The following DNAH6 variants were observed in gnomAD, a reference collection of about 807,000 sequenced individuals.
DNAH6 encodes the protein dynein axonemal heavy chain 6.
Under a neutral mutation model 491.4 loss-of-function variants are expected in DNAH6, and 340 were observed. The ratio of observed to expected loss-of-function variants is 0.69; its 90% CI spans 0.63 to 0.76. DNAH6 has a LOEUF of 0.76. Ranked by LOEUF, DNAH6 falls within the 30% of genes least tolerant of loss-of-function variation. DNAH6 has a pLI of 0.00. For missense variants in DNAH6, 4,443 were observed against 4,972.2 expected, an observed-to-expected ratio of 0.89 and a Z score of 3.20; for synonymous variants, 1,603 against 1,686.1, an observed-to-expected ratio of 0.95 and a Z score of 1.21.
At chr2:84,554,629 T>C (rs528904900) in intron 10 of DNAH6, among the ~76,000 whole-genome samples, 6 of 152,364 alleles carry the variant, frequency 3.9e-5, no homozygotes, top group Admixed American at 6.5e-5. Flanking sequence ...AGTTCTAGCA[T>C]TGATTCCTCC....
At chr2:84,753,292 T>C (rs1673645250) in intron 63 of DNAH6, among the ~76,000 whole-genome samples, 1 of 152,206 alleles carries the variant, frequency 6.6e-6, no homozygotes, top group African/African-American at 2.4e-5. Flanking sequence ...TTATCAGATA[T>C]ATGATTTGCA....
the DNAH6 span, among the ~76,000 whole-genome samples, chr2:84,493,998 T>G: frequency 2.0e-5 from 3 of 152,136 alleles, no homozygotes; most frequent in African/African-American, 7.2e-5. Context: ...GTGGTTGTCA[T>G]TAGTTTGAGT....
intron 45 of DNAH6, among the ~76,000 whole-genome samples, chr2:84,693,415 G>T (rs1425171548): frequency 1.3e-5 from 2 of 151,892 alleles, no homozygotes; most frequent in African/African-American, 2.4e-5. Flanking sequence ...CTTTTTGAGT[G>T]CTCTCTCTCT....
At position 84,785,617 on chromosome 2, in the gene DNAH6, A is replaced by G. The variant is rs760288335; in HGVS notation, c.10961A>G (p.Asn3654Ser). ...TATTCTATCTAAATCCAGGTGACCA[A>G]TGAGCCTCCAAAAGGCTTACGTGCA... Reference protein sequence around the residue: ...TVLQNSVKVTNEPPKGLRANI... With the variant: ...TVLQNSVKVTSEPPKGLRANI... The change falls in exon 67 of 77, where the codon AAT (asparagine) becomes AGT (serine). Residue 3654 changes from asparagine (N) to serine (S), a missense_variant. Physicochemically the swap from Asn to Ser is conservative, Grantham distance 46 (BLOSUM62 1). Around this residue, in one of 3 missense-constraint regions of DNAH6, gnomAD observed 1,463 missense variants for 1,656.6 expected, o/e 0.88. Coordinates refer to ENST00000389394, the MANE Select transcript of DNAH6 (RefSeq NM_001370.2). 29 of 1,533,154 alleles carry G rather than the reference A, an allele frequency of 1.9e-5. No homozygotes were observed. Among genetic ancestry groups the G allele is most frequent in the Non-Finnish European group, 2.4e-5 (27 of 1,141,810 alleles). The allele number at this position is 1,533,154 out of a possible 1,614,324, so 95.0% of individuals were successfully genotyped here.
chr2:84,603,981 C>T lies in DNAH6; in HGVS notation c.2869-358C>T, dbSNP rs534758366. On this transcript the variant is annotated intron_variant, in intron 18 of 76. Coordinates refer to ENST00000389394, the MANE Select transcript of DNAH6 (RefSeq NM_001370.2). ...GAGGTTTTCCATTCTCATTCTACCCCGCACTTAATATTTAGCGCTCTATTT... is the reference window on the plus strand; with the variant it reads ...GAGGTTTTCCATTCTCATTCTACCCTGCACTTAATATTTAGCGCTCTATTT... 5.9e-5 allele frequency among the ~76,000 whole-genome samples: 9 copies of T among 152,264 alleles called. No individual in the cohort carries two copies. The East Asian group carries it at 1.3e-3, about 23-fold the overall frequency.
At chr2:84,808,010 C>T (rs1679591796) in intron 71 of DNAH6, among the ~76,000 whole-genome samples, 1 of 152,136 alleles carries the variant, frequency 6.6e-6, no homozygotes, top group South Asian at 2.1e-4. Context: ...TCTCCTGTCC[C>T]AGGGCCATAG....
intron 30 of DNAH6, 49 bp downstream of exon 30, chr2:84,634,690 C>T: frequency 1.4e-6 from 2 of 1,437,220 alleles, no homozygotes; most frequent in Non-Finnish European, 1.8e-6. Flanking sequence ...TTAAATTTGT[C>T]ATTAACTCAC....
chr2:84,617,013 T>TTA (rs910346267), intron 23 of DNAH6, 31 bp downstream of exon 23: 20 of 1,239,610 alleles, frequency 1.6e-5, no homozygotes, highest in Non-Finnish European at 2.1e-5. Context: ...AAGATATTTT[T>TTA]TAGTAGTTAT....
chr2:84,497,537 T>C, the DNAH6 span, among the ~76,000 whole-genome samples: 1 of 152,188 alleles, frequency 6.6e-6, no homozygotes. Flanking sequence ...CTGTGTAGCC[T>C]TGGAAGAGTA....
Position 84,544,275 on chromosome 2 carries a change from T to C in DNAH6, c.705T>C (p.Thr235=). The C allele has an allele frequency of 6.6e-7, 1 of 1,513,642 alleles. No individual in the cohort carries two copies. Among genetic ancestry groups the C allele is most frequent in the Non-Finnish European group, 9.0e-7 (1 of 1,112,994 alleles). 93.8% of individuals were successfully genotyped at this position (1,513,642 alleles called of 1,614,324 possible). Residue 235 remains threonine, a synonymous_variant, in exon 5 of 77, where the codon ACT becomes ACC. Transcript: ENST00000389394. ...ACATCAATAAAAATGACTACTATAC[T>C]ATTAGCCAAAGGGCAGTAACACACA... is the stretch of plus-strand genomic sequence containing the variant. ...YENINKNDYY[T]ISQRAVTHIY... is the part of the protein sequence containing the mutation.
chr2:84,722,885 GC>G, intron 60 of DNAH6, 81 bp downstream of exon 60: 2 of 869,172 alleles, frequency 2.3e-6, no homozygotes, highest in East Asian at 3.0e-5. Context: ...CTTCACATAA[GC>G]CATAAGTCTA....
intron 62 of DNAH6, among the ~76,000 whole-genome samples, chr2:84,741,599 A>G (rs1672532213): frequency 6.6e-6 from 1 of 152,028 alleles, no homozygotes; most frequent in African/African-American, 2.4e-5. Flanking sequence ...AGTGTGGTCA[A>G]CTCATATCTC....
intron 43 of DNAH6, among the ~76,000 whole-genome samples, 198 bp downstream of exon 43, chr2:84,685,670 G>A (rs926414071): frequency 6.6e-6 from 1 of 152,016 alleles, no homozygotes; most frequent in Non-Finnish European, 1.5e-5. Flanking sequence ...GGAAGGGTCA[G>A]TCGGGCATGG....
intron 33 of DNAH6, among the ~76,000 whole-genome samples, chr2:84,646,649 G>A (rs1215859062): frequency 6.6e-6 from 1 of 152,148 alleles, no homozygotes. Flanking sequence ...GATTAAACCA[G>A]CCACAACATT....
Position 84,624,377 on chromosome 2 carries a change from T to A in DNAH6, c.4184T>A (p.Leu1395His). 6.4e-7 allele frequency: 1 copy of A among 1,550,680 alleles called. No individual in the cohort carries two copies. The highest frequency in any genetic ancestry group is 8.7e-7 in the Non-Finnish European group (1 of 1,146,640). Residue 1395 changes from leucine to histidine, a missense_variant, in exon 27 of 77, where the codon CTT becomes CAT. Physicochemically the swap from Leu to His is moderately conservative, Grantham distance 99 (BLOSUM62 -3). Coordinates refer to ENST00000389394, the MANE Select transcript of DNAH6 (RefSeq NM_001370.2). ...DVHARDIVTE[L>H]VQSKVETVES... ...CATGCAAGAGATATAGTCACTGAAC[T>A]TGTTCAATCCAAGGTAACTGTTTCA...
intron 23 of DNAH6, 89 bp from the exon 24 acceptor site, chr2:84,619,596 A>G: frequency 8.5e-7 from 1 of 1,181,140 alleles, no homozygotes; most frequent in Non-Finnish European, 1.2e-6. Context: ...TGGACAGGGA[A>G]GAGATGTGGC....
At chr2:84,603,821 G>A (rs1685498422) in intron 18 of DNAH6, among the ~76,000 whole-genome samples, 1 of 152,134 alleles carries the variant, frequency 6.6e-6, no homozygotes, top group African/African-American at 2.4e-5. Context: ...GTTCCACAAG[G>A]GAGCTAAGGC....
rs2104909822 is a variant in DNAH6 at position 84,718,290 on chromosome 2, A to C, written c.9698A>C (p.Lys3233Thr). 6.4e-7 allele frequency: 1 copy of C among 1,551,564 alleles called. No homozygotes were observed. Among genetic ancestry groups the C allele is most frequent in the East Asian group, 2.4e-5 (1 of 40,898 alleles). ...ATCAACACTGATAAAAACCAGTTGA[A>C]AACTATCGAAGAGAAAATCCTGAGA... Reference protein sequence around the residue: ...VRINTDKNQLKTIEEKILRML... With the variant: ...VRINTDKNQLTTIEEKILRML... Residue 3233 changes from lysine (K) to threonine (T), a missense_variant, in exon 59 of 77, where the codon AAA (lysine) becomes ACA (threonine). Transcript: ENST00000389394.
In DNAH6 at chr2:84,745,794, A is replaced by T. The variant is rs541906069; in HGVS notation, c.10512+545A>T. Reference sequence around the variant, plus strand: ...TTTCCCTGGTGTGTGCCATTAGAGTACCGTGCTCTCTGCTGGAGGGATGGA... The same window carrying T: ...TTTCCCTGGTGTGTGCCATTAGAGTTCCGTGCTCTCTGCTGGAGGGATGGA... On this transcript the variant is annotated intron_variant, in intron 63 of 76. Transcript: ENST00000389394. Among the ~76,000 whole-genome samples, 4 of 152,196 alleles carry T rather than the reference A, an allele frequency of 2.6e-5. No homozygotes were observed. The East Asian group carries it at 7.7e-4, about 29-fold the overall frequency.
Sources: allele counts gnomAD v4.1 joint callset (sites outside exome capture counted in the v4.1 genomes callset), GRCh38; gene constraint gnomAD v4.1.1; regional missense constraint gnomAD v4.1.1; transcripts MANE v1.5; gene names NCBI Gene and HGNC (gene_info 2026-07-23, HGNC 2026-07-21).